Variants in SLC4A10 observed in about 807,000 individuals in gnomAD.
SLC4A10 encodes the protein solute carrier family 4 member 10.
A neutral mutation model predicts 137.7 loss-of-function variants in SLC4A10; 42 were observed. The observed-to-expected ratio is 0.30, with a 90% CI of 0.24 to 0.39. The LOEUF (loss-of-function observed/expected upper bound fraction) is 0.39, where lower values mean the gene tolerates loss of function less well. Ranked by LOEUF, SLC4A10 falls within the 10% of genes least tolerant of loss-of-function variation. The pLI is 1.00. For synonymous variants in SLC4A10, 474 were observed against 464.1 expected (o/e 1.02, Z -0.27); for missense variants, 925 against 1,355.0 (o/e 0.68, Z 4.98).
chr2:161,923,688 T>G (rs1251545688), intron 15 of SLC4A10, among the ~76,000 whole-genome samples: 28 of 147,222 alleles, frequency 1.9e-4, no homozygotes, highest in Admixed American at 7.5e-4. Context: ...GTGGGGGGAG[T>G]GGGGAAGGAT....
chr2:161,772,653 A>G (rs1380020821), intron 2 of SLC4A10, among the ~76,000 whole-genome samples: 2 of 151,922 alleles, frequency 1.3e-5, no homozygotes, highest in Non-Finnish European at 2.9e-5. Flanking sequence ...ATTGAATCCA[A>G]TAAGCTAATA....
intron 15 of SLC4A10, among the ~76,000 whole-genome samples, chr2:161,926,377 C>CT (rs1181439508): frequency 1.5e-5 from 1 of 65,886 alleles, no homozygotes; most frequent in Non-Finnish European, 3.2e-5. Flanking sequence ...CAACCCCTGC[C>CT]TTTTTTTGGT....
chr2:161,942,028 A>G (rs565910764), intron 15 of SLC4A10, among the ~76,000 whole-genome samples: 29 of 152,308 alleles, frequency 1.9e-4, no homozygotes, highest in African/African-American at 7.0e-4. Flanking sequence ...TTCCTGATGT[A>G]GAAGGCAGAA....
At chr2:161,657,001 A>G (rs1000159713) in intron 1 of SLC4A10, among the ~76,000 whole-genome samples, 1 of 152,098 alleles carries the variant, frequency 6.6e-6, no homozygotes. Context: ...GAGATGTAAT[A>G]TTTCAGGTGA....
intron 23 of SLC4A10, among the ~76,000 whole-genome samples, chr2:161,971,632 G>A (rs528033406): frequency 2.6e-5 from 4 of 152,270 alleles, no homozygotes; most frequent in African/African-American, 4.8e-5. Context: ...TGTGGCTGTC[G>A]TGACGGCTAC....
At chr2:161,791,284 C>A (rs1382678846) in intron 2 of SLC4A10, among the ~76,000 whole-genome samples, 2 of 152,068 alleles carry the variant, frequency 1.3e-5, no homozygotes, top group African/African-American at 2.4e-5. Context: ...TGCTATGCAG[C>A]CATAAAAAGG....
At chr2:161,740,084 A>T (rs997669214) in intron 1 of SLC4A10, among the ~76,000 whole-genome samples, 3 of 152,174 alleles carry the variant, frequency 2.0e-5, no homozygotes, top group African/African-American at 7.2e-5. Flanking sequence ...TTGATGTTCA[A>T]TTCTTTCATA....
chr2:161,744,565 C>T (rs1219616005), intron 1 of SLC4A10, among the ~76,000 whole-genome samples: 2 of 151,848 alleles, frequency 1.3e-5, no homozygotes, highest in Non-Finnish European at 2.9e-5. Flanking sequence ...TAATTTTTTG[C>T]TTTATATTTG....
At chr2:161,936,378 G>T (rs542149809) in intron 15 of SLC4A10, among the ~76,000 whole-genome samples, 2 of 152,144 alleles carry the variant, frequency 1.3e-5, no homozygotes, top group Admixed American at 6.5e-5. Context: ...TTCATTAAAT[G>T]GTTGATGATT....
intron 15 of SLC4A10, among the ~76,000 whole-genome samples, chr2:161,906,679 C>A (rs917427980): frequency 4.6e-5 from 7 of 152,074 alleles, no homozygotes; most frequent in Non-Finnish European, 1.0e-4. Flanking sequence ...CAATCATTTC[C>A]CTATAAACTG....
At position 161,939,948 on chromosome 2, in the gene SLC4A10, A is replaced by G. The variant is rs186106153; in HGVS notation, c.1998-2844A>G. 4.4e-4 allele frequency among the ~76,000 whole-genome samples: 67 copies of G among 152,232 alleles called. 1 individual carries two copies. The East Asian group carries it at 0.012, about 27-fold the overall frequency. ...AGTGTCATGACATCTATAGTACTTT[A>G]CAAATAATGTTATGAGTATATACTT... On this transcript the variant is annotated intron_variant, in intron 15 of 26. Coordinates refer to ENST00000446997, the MANE Select transcript of SLC4A10 (RefSeq NM_001178015.2).
intron 2 of SLC4A10, among the ~76,000 whole-genome samples, chr2:161,789,466 G>C (rs2053979614): frequency 6.6e-6 from 1 of 151,546 alleles, no homozygotes; most frequent in Non-Finnish European, 1.5e-5. Context: ...CCATTCAACT[G>C]TAACTTTGAT....
intron 5 of SLC4A10, among the ~76,000 whole-genome samples, 169 bp from the exon 6 acceptor site, chr2:161,862,705 G>A (rs2060500591): frequency 6.6e-6 from 1 of 152,144 alleles, no homozygotes; most frequent in Admixed American, 6.6e-5. Context: ...TACAATGGAA[G>A]ATAAATTTCC....
chr2:161,817,679 G>C (rs1043165330), intron 3 of SLC4A10, among the ~76,000 whole-genome samples: 7 of 152,156 alleles, frequency 4.6e-5, no homozygotes, highest in Non-Finnish European at 8.8e-5. Flanking sequence ...AAGGGATCCA[G>C]TTTCAGCTTT....
chr2:161,839,914 C>A lies in SLC4A10; in HGVS notation c.403C>A (p.Arg135=), dbSNP rs899870875. ...CWREGEDAEW[R]ETARWLKFEE... is the part of the protein sequence containing the mutation. ...GCGTGAAGGTGAGGACGCTGAGTGG[C>A]GAGAAACAGCCAGGTGAGGATTTTT... The change falls in exon 4 of 27, where the codon CGA becomes AGA. Residue 135 remains arginine (R), a synonymous_variant. Transcript: ENST00000446997. 6.2e-7 allele frequency: 1 copy of A among 1,613,406 alleles called. No individual in the cohort carries two copies. The highest frequency in any genetic ancestry group is 1.7e-5 in the Admixed American group (1 of 59,966).
At chr2:161,781,572 T>C (rs1487218265) in intron 2 of SLC4A10, among the ~76,000 whole-genome samples, 1 of 151,970 alleles carries the variant, frequency 6.6e-6, no homozygotes, top group Non-Finnish European at 1.5e-5. Flanking sequence ...CTGAAAAAAA[T>C]GTGCCAAGAG....
At chr2:161,949,099 C>T in intron 17 of SLC4A10, 49 bp from the exon 18 acceptor site, 2 of 1,217,878 alleles carry the variant, frequency 1.6e-6, no homozygotes, top group Non-Finnish European at 2.4e-6. Flanking sequence ...CTGAGTATTC[C>T]TTGATATTTA....
In SLC4A10 at chr2:161,904,762, A is replaced by T; in HGVS notation, c.1618-14A>T. The stretch of plus-strand genomic sequence containing the variant: ...TACAGCTTAGGTAATTGAACCATTT[A>T]TATCTCTACACAGAGTGCAATTGAA... On this transcript the variant is annotated splice_polypyrimidine_tract_variant and intron_variant, in intron 13 of 26. Transcript: ENST00000446997. 1.2e-6 allele frequency: 2 copies of T among 1,613,308 alleles called. No individual in the cohort carries two copies. The highest frequency in any genetic ancestry group is 1.7e-6 in the Non-Finnish European group (2 of 1,179,586).
chr2:161,693,669 CTTTTTTTTTTT>C, intron 1 of SLC4A10, among the ~76,000 whole-genome samples: 1 of 115,222 alleles, frequency 8.7e-6, no homozygotes, highest in East Asian at 2.4e-4. Context: ...ACAAATTCGA[CTTTTTTTTTTT>C]TTTTTTTTTT....
Sources: gnomAD v4.1 joint callset for allele counts (sites outside exome capture counted in the v4.1 genomes callset) on GRCh38, gnomAD v4.1.1 for gene constraint, MANE v1.5 for transcripts, NCBI Gene and HGNC (gene_info 2026-07-23, HGNC 2026-07-21) for gene names.